CTSW: variants seen among roughly 807,000 people sequenced by gnomAD.
The protein encoded by CTSW is lymphopain.
CTSW carries 42 observed loss-of-function variants against 43.8 expected under a neutral mutation model. The observed-to-expected ratio is 0.96, with a 90% CI of 0.75 to 1.24. The LOEUF is 1.24. Ranked by LOEUF, CTSW falls within the 50% of genes most tolerant of loss-of-function variation. CTSW has a pLI of 0.00. For synonymous variants in CTSW, 191 were observed against 184.8 expected (o/e 1.03, Z -0.27); for missense variants, 475 against 479.9 (o/e 0.99, Z 0.09).
Position 65,882,861 on chromosome 11 carries a change from G to A in CTSW, c.702G>A (p.Val234=). The A allele has an allele frequency of 6.2e-7, 1 of 1,614,136 alleles. No individual in the cohort carries two copies. Among genetic ancestry groups the A allele is most frequent in the East Asian group, 2.2e-5 (1 of 44,884 alleles). Reference sequence around the variant, plus strand: ...GCCACCCCAAGAAGTACCAGAAGGTGGCCTGGATCCAGGACTTCATCATGC... The same window carrying A: ...GCCACCCCAAGAAGTACCAGAAGGTAGCCTGGATCCAGGACTTCATCATGC... ...HRCHPKKYQK[V]AWIQDFIMLQ... The change falls in exon 7 of 10, where the codon GTG becomes GTA. Residue 234 remains valine (V), a synonymous_variant. Transcript: ENST00000307886.
chr11:65,882,543 G>A lies in CTSW; in HGVS notation c.538+17G>A, dbSNP rs373958863. ...CCGTGCAGGGTAGGGTTGGGAGAGGGTGCGCGTGTGACAGGGGAGGGAGGC... is the reference window on the plus strand; with the variant it reads ...CCGTGCAGGGTAGGGTTGGGAGAGGATGCGCGTGTGACAGGGGAGGGAGGC... On this transcript the variant is annotated intron_variant, in intron 5 of 9. Transcript: ENST00000307886. The A allele has an allele frequency of 3.7e-6, 6 of 1,614,016 alleles. No homozygotes were observed. In the African/African-American group the frequency reaches 8.0e-5, roughly 22 times the overall value.
Position 65,881,525 on chromosome 11 carries a change from C to T in CTSW, c.286+5C>T. ...CTCCATTCAGTGACCTCACAGGTAC[C>T]ATTAACCCTTCTGGCTCGTAGGTGG... On this transcript the variant is annotated splice_donor_5th_base_variant and intron_variant, in intron 3 of 9. Transcript: ENST00000307886. 1.3e-6 allele frequency: 2 copies of T among 1,589,708 alleles called. No homozygotes were observed. Among genetic ancestry groups the T allele is most frequent in the Non-Finnish European group, 1.7e-6 (2 of 1,164,126 alleles).
chr11:65,880,071 G>A, intron 1 of CTSW, 130 bp downstream of exon 1: 2 of 1,182,086 alleles, frequency 1.7e-6, no homozygotes, highest in Non-Finnish European at 1.2e-6. Flanking sequence ...CGTGCCCAAG[G>A]GCACATGGGA....
rs1244958769 is a variant in CTSW, at chr11:65,882,939, G to A, written c.745+35G>A. On this transcript the variant is annotated intron_variant, in intron 7 of 9. Coordinates refer to ENST00000307886, the MANE Select transcript of CTSW (RefSeq NM_001335.4). The stretch of plus-strand genomic sequence containing the variant: ...GGGCAGGGACACGGGCGGATGGCAG[G>A]GACAGACACCGGGGCAGAGGCAGAC... The A allele has an allele frequency of 3.1e-6, 5 of 1,613,072 alleles. No individual in the cohort carries two copies. In the South Asian group the frequency reaches 4.4e-5, roughly 14 times the overall value.
chr11:65,881,906 T>C (rs1337938668), intron 3 of CTSW, among the ~76,000 whole-genome samples: 1 of 152,188 alleles, frequency 6.6e-6, no homozygotes, highest in Non-Finnish European at 1.5e-5. Flanking sequence ...CCCTCAGCCT[T>C]CTAAGTAGCT....
At chr11:65,882,999 T>C (rs1860133826) in intron 7 of CTSW, 70 bp from the exon 8 acceptor site, 3 of 1,608,876 alleles carry the variant, frequency 1.9e-6, no homozygotes, top group South Asian at 2.2e-5. Flanking sequence ...CAAGAGGGGG[T>C]GGGGGGAGCG....
Position 65,881,456 on chromosome 11 carries a change from G to A in CTSW, c.222G>A (p.Gln74=). 6.2e-7 allele frequency: 1 copy of A among 1,611,518 alleles called. No individual in the cohort carries two copies. The highest frequency in any genetic ancestry group is 8.5e-7 in the Non-Finnish European group (1 of 1,178,646). ...TTGCCCACAACCTGGCCCAGGCTCA[G>A]AGGCTGCAGGAGGAGGACTTGGGCA... The part of the protein sequence containing the change: ...DIFAHNLAQA[Q]RLQEEDLGTA... Residue 74 remains glutamine (Q), a synonymous_variant, in exon 3 of 10, where the codon CAG becomes CAA. Transcript: ENST00000307886.
At chr11:65,883,161 G>A in intron 8 of CTSW, 28 bp downstream of exon 8, 4 of 1,613,884 alleles carry the variant, frequency 2.5e-6, no homozygotes, top group Non-Finnish European at 3.4e-6. Context: ...ATGGGGAAGG[G>A]GCATACAGGA....
At chr11:65,882,747 G>T (rs79769976) in intron 6 of CTSW, 32 bp from the exon 7 acceptor site, 1 of 1,614,140 alleles carries the variant, frequency 6.2e-7, no homozygotes, top group East Asian at 2.2e-5. Flanking sequence ...GGGCAGGAGC[G>T]GAACCTCCTC....
At chr11:65,880,318 G>A (rs770844962) in intron 2 of CTSW, 32 bp downstream of exon 2, 14 of 1,536,258 alleles carry the variant, frequency 9.1e-6, no homozygotes, top group Non-Finnish European at 1.2e-5. Context: ...TCCAGTCCAA[G>A]CCCCCACTTT....
Position 65,883,152 on chromosome 11 carries a change from TGG to T in CTSW, c.810+22_810+23del, listed in dbSNP as rs1212713306. On this transcript the variant is annotated intron_variant, in intron 8 of 9. Coordinates refer to ENST00000307886, the MANE Select transcript of CTSW (RefSeq NM_001335.4). ...CCTTCAGGTGAGATGGGGGAGCTGA[TGG>T]GGAAGGGGCATACAGGAGACTTGGC... 1.2e-6 allele frequency: 2 copies of T among 1,613,930 alleles called. No homozygotes were observed. Among genetic ancestry groups the T allele is most frequent in the Non-Finnish European group, 1.7e-6 (2 of 1,179,976 alleles).
At chr11:65,881,934 C>T (rs540125643) in intron 3 of CTSW, among the ~76,000 whole-genome samples, 7 of 152,370 alleles carry the variant, frequency 4.6e-5, no homozygotes, top group Admixed American at 3.3e-4. Context: ...CAAGCCCGCA[C>T]AACCACGCCC....
chr11:65,883,530 G>T lies in CTSW; in HGVS notation c.1043G>T (p.Gly348Val), dbSNP rs1025938432. The change falls in exon 10 of 10, where the codon GGG becomes GTG. Residue 348 changes from glycine (G) to valine (V), a missense_variant. Physicochemically the swap from Gly to Val is moderately radical, Grantham distance 109. Coordinates refer to ENST00000307886, the MANE Select transcript of CTSW (RefSeq NM_001335.4). ...GEKGYFRLHR[G>V]SNTCGITKFP... ...TAGGGCTATTTCCGGCTGCACCGAG[G>T]GAGCAATACCTGTGGCATCACCAAG... 2 of 1,613,908 alleles carry T rather than the reference G, an allele frequency of 1.2e-6. No individual in the cohort carries two copies. Among genetic ancestry groups the T allele is most frequent in the Middle Eastern group, 1.7e-4 (1 of 6,060 alleles).
At position 65,883,086 on chromosome 11, in the gene CTSW, G is replaced by A. The variant is rs1358165821; in HGVS notation, c.763G>A (p.Ala255Thr). 1 of 1,614,004 alleles carries A rather than the reference G, an allele frequency of 6.2e-7. No individual in the cohort carries two copies. Among genetic ancestry groups the A allele is most frequent in the Non-Finnish European group, 8.5e-7 (1 of 1,180,034 alleles). Residue 255 changes from alanine (A) to threonine (T), a missense_variant, in exon 8 of 10, where the codon GCC becomes ACC. Transcript: ENST00000307886. Reference protein sequence around the residue: ...NNEHRIAQYLATYGPITVTIN... With the variant: ...NNEHRIAQYLTTYGPITVTIN... ...GTCCCCAGGAATTGCGCAGTACCTG[G>A]CCACTTATGGCCCCATCACCGTGAC... is the stretch of plus-strand genomic sequence containing the variant.
rs763750031 is a variant in CTSW, at chr11:65,881,475, T to G, written c.241T>G (p.Leu81Val). The G allele has an allele frequency of 2.2e-5, 35 of 1,611,690 alleles. No individual in the cohort carries two copies. In the South Asian group the frequency reaches 3.9e-4, roughly 18 times the overall value. ...GGCTCAGAGGCTGCAGGAGGAGGAC[T>G]TGGGCACAGCTGAGTTTGGGGTGAC... ...AQAQRLQEEDLGTAEFGVTPF... is the reference protein window; with the variant it reads ...AQAQRLQEEDVGTAEFGVTPF... The change falls in exon 3 of 10, where the codon TTG becomes GTG. Residue 81 changes from leucine (L) to valine (V), a missense_variant. Leu to Val is a conservative substitution (Grantham distance 32, BLOSUM62 1). Transcript: ENST00000307886.
At chr11:65,880,811 A>T (rs1860097616) in intron 2 of CTSW, among the ~76,000 whole-genome samples, 1 of 152,144 alleles carries the variant, frequency 6.6e-6, no homozygotes, top group African/African-American at 2.4e-5. Context: ...CCCTAGTCCT[A>T]CGTGATCCCC....
chr11:65,881,409 C>A lies in CTSW; in HGVS notation c.175C>A (p.His59Asn). 1 of 1,593,202 alleles carries A rather than the reference C, an allele frequency of 6.3e-7. No homozygotes were observed. Among genetic ancestry groups the A allele is most frequent in the Non-Finnish European group, 8.6e-7 (1 of 1,168,490 alleles). ...FNRSYLSPEEHAHRLDIFAHN... is the reference protein window; with the variant it reads ...FNRSYLSPEENAHRLDIFAHN... ...AGGACAACTCCCTTTTGGTCCAGAGCATGCTCACCGCCTGGACATCTTTGC... is the reference window on the plus strand; with the variant it reads ...AGGACAACTCCCTTTTGGTCCAGAGAATGCTCACCGCCTGGACATCTTTGC... The change falls in exon 3 of 10, where the codon CAT becomes AAT. Residue 59 changes from histidine (H) to asparagine (N), a missense_variant and splice_region_variant. By Grantham distance (68) the His-to-Asn change is moderately conservative. Coordinates refer to ENST00000307886, the MANE Select transcript of CTSW (RefSeq NM_001335.4).
In CTSW at chr11:65,879,896, G is replaced by A. The variant is rs771219174; in HGVS notation, c.42G>A (p.Leu14=). 2 of 1,613,710 alleles carry A rather than the reference G, an allele frequency of 1.2e-6. No homozygotes were observed. The highest frequency in any genetic ancestry group is 2.7e-5 in the African/African-American group (2 of 74,926). The change falls in exon 1 of 10, where the codon TTG becomes TTA. Residue 14 remains leucine, a synonymous_variant. Transcript: ENST00000307886. The part of the protein sequence containing the change: ...TAHPSCLLAL[L]VAGLAQGIRG... Reference sequence around the variant, plus strand: ...ACCCCTCCTGCCTCCTGGCCCTGTTGGTGGCAGGCCTAGCCCAAGGCATCA... The same window carrying A: ...ACCCCTCCTGCCTCCTGGCCCTGTTAGTGGCAGGCCTAGCCCAAGGCATCA...
In CTSW at chr11:65,882,509, T is replaced by G; in HGVS notation, c.521T>G (p.Val174Gly). The G allele has an allele frequency of 6.2e-7, 1 of 1,614,202 alleles. No homozygotes were observed. The highest frequency in any genetic ancestry group is 1.6e-4 in the Middle Eastern group (1 of 6,062). ...TGGCGCATCAGTTTCTGGGATTTTG[T>G]GGATGTCTCCGTGCAGGGTAGGGTT... is the stretch of plus-strand genomic sequence containing the variant. Reference protein sequence around the residue: ...TLWRISFWDFVDVSVQELLDC... With the variant: ...TLWRISFWDFGDVSVQELLDC... Residue 174 changes from valine (V) to glycine (G), a missense_variant, in exon 5 of 10, where the codon GTG (valine) becomes GGG (glycine). Transcript: ENST00000307886.
Sources: gnomAD v4.1 joint callset for allele counts (sites outside exome capture counted in the v4.1 genomes callset) on GRCh38, gnomAD v4.1.1 for gene constraint, MANE v1.5 for transcripts, NCBI Gene and HGNC (gene_info 2026-07-23, HGNC 2026-07-21) for gene names.